The following STOX2 variants were observed in gnomAD, a reference collection of about 807,000 sequenced individuals.
STOX2 encodes storkhead box 2.
Under a neutral mutation model 60.9 loss-of-function variants are expected in STOX2, and 28 were observed. The ratio of observed to expected loss-of-function variants is 0.46; its 90% CI spans 0.34 to 0.63. STOX2 has a LOEUF of 0.63. Among genes scored for constraint, STOX2 ranks in the 30% least tolerant of loss-of-function variants. The pLI is 0.01. For synonymous variants in STOX2, 472 were observed against 463.9 expected (o/e 1.02, Z -0.22); for missense variants, 1,024 against 1,187.7 (o/e 0.86, Z 2.03).
At chr4:183,891,931 G>T in intron 1 of STOX2, among the ~76,000 whole-genome samples, 1 of 152,340 alleles carries the variant, frequency 6.6e-6, no homozygotes, top group East Asian at 1.9e-4. Flanking sequence ...TCTTTGAAGA[G>T]ATGGTTGCTT....
intron 2 of STOX2, among the ~76,000 whole-genome samples, chr4:184,007,071 A>G (rs1302572800): frequency 6.6e-6 from 1 of 151,848 alleles, no homozygotes; most frequent in East Asian, 1.9e-4. Flanking sequence ...TGGTCTTAAA[A>G]TCATTTGTAT....
At chr4:183,952,709 T>G (rs1460243841) in intron 1 of STOX2, among the ~76,000 whole-genome samples, 1 of 152,226 alleles carries the variant, frequency 6.6e-6, no homozygotes, top group Non-Finnish European at 1.5e-5. Context: ...GAGGTGCATG[T>G]CACATTAGTT....
chr4:183,972,582 G>A (rs148522135), intron 1 of STOX2, among the ~76,000 whole-genome samples: 1 of 152,286 alleles, frequency 6.6e-6, no homozygotes, highest in East Asian at 1.9e-4. Context: ...AAATAGCACT[G>A]CAAAAGCTTT....
At chr4:183,967,561 G>C (rs1739441155) in intron 1 of STOX2, among the ~76,000 whole-genome samples, 1 of 151,908 alleles carries the variant, frequency 6.6e-6, no homozygotes, top group African/African-American at 2.4e-5. Flanking sequence ...GCCACCCATG[G>C]GTGGTGCTCA....
At chr4:183,959,335 G>A (rs1447848731) in intron 1 of STOX2, among the ~76,000 whole-genome samples, 5 of 152,140 alleles carry the variant, frequency 3.3e-5, no homozygotes, top group Non-Finnish European at 7.4e-5. Context: ...GGGCGGAAGG[G>A]GGGGTTTTCA....
chr4:183,847,600 C>A (rs1045875315), intron 1 of STOX2, among the ~76,000 whole-genome samples: 1 of 152,192 alleles, frequency 6.6e-6, no homozygotes, highest in African/African-American at 2.4e-5. Flanking sequence ...GGAACCATCA[C>A]CAAGAAAGTG....
intron 1 of STOX2, among the ~76,000 whole-genome samples, chr4:183,819,782 A>G (rs1739264389): frequency 1.3e-5 from 2 of 152,312 alleles, no homozygotes; most frequent in East Asian, 1.9e-4. Context: ...CCACTAAATC[A>G]CAAGGAGGAG....
At chr4:183,901,829 A>T (rs553183752), upstream of STOX2, among the ~76,000 whole-genome samples, 1 of 152,152 alleles carries the variant, frequency 6.6e-6, no homozygotes, top group Non-Finnish European at 1.5e-5. Flanking sequence ...CATACTCTGG[A>T]TATCAATCCC....
At chr4:183,933,188 G>A (rs59778051) in intron 1 of STOX2, among the ~76,000 whole-genome samples, 20,707 of 152,064 alleles carry the variant, frequency 0.14, 2,484 homozygotes, top group East Asian at 0.45. Context: ...TCTGGCTCAC[G>A]TACAACATTT....
rs372708693 is a variant in STOX2, at chr4:184,011,253, C to A, written c.2415C>A (p.Leu805=). 6.8e-6 allele frequency: 11 copies of A among 1,613,398 alleles called. No individual in the cohort carries two copies. The African/African-American group carries it at 1.2e-4, about 18-fold the overall frequency. ...AGGACGTAGGCACCATGCAGTGGCT[C>A]CTCGAGCGGGAGAAGGAAAGAGACT... ...NREDVGTMQW[L]LEREKERDLQ... Residue 805 remains leucine, a synonymous_variant, in exon 3 of 4, where the codon CTC becomes CTA. Transcript: ENST00000308497. This position sits in a 1 kb window ranked among gnomAD's most constrained non-coding sequence, Gnocchi z 4.4.
intron 1 of STOX2, among the ~76,000 whole-genome samples, chr4:183,935,870 A>G (rs1168785182): frequency 6.6e-6 from 1 of 152,214 alleles, no homozygotes; most frequent in Non-Finnish European, 1.5e-5. Flanking sequence ...TGTAAGAGTG[A>G]TAACAAAGTG....
chr4:183,871,032 G>T (rs756513666), intron 1 of STOX2, among the ~76,000 whole-genome samples: 4 of 152,152 alleles, frequency 2.6e-5, no homozygotes, highest in Non-Finnish European at 4.4e-5. Context: ...AATTATTTAC[G>T]ACCTTTTTAT....
intron 1 of STOX2, among the ~76,000 whole-genome samples, chr4:183,833,433 A>C (rs1216794514): frequency 6.6e-6 from 1 of 152,170 alleles, no homozygotes; most frequent in African/African-American, 2.4e-5. Flanking sequence ...CCCACATAAA[A>C]GATCAAACAT....
intron 3 of STOX2, chr4:184,014,110 CAAAAAAAAAA>C (rs10527539): frequency 0.54 from 74,718 of 138,566 alleles, 21,195 homozygotes; most frequent in Non-Finnish European, 0.66. Context: ...AAGCCCCAAC[CAAAAAAAAAA>C]AAAAAAAAAA....
chr4:183,884,568 G>A (rs1243077920), intron 1 of STOX2, among the ~76,000 whole-genome samples: 1 of 152,118 alleles, frequency 6.6e-6, no homozygotes, highest in Admixed American at 6.5e-5. Context: ...GAGGAGACAG[G>A]TTTATCCTTT....
In STOX2 at chr4:183,982,033, G is replaced by A. The variant is rs535162831; in HGVS notation, c.167-19292G>A. Among the ~76,000 whole-genome samples the A allele has an allele frequency of 2.0e-5, 3 of 152,218 alleles. No individual in the cohort carries two copies. In the East Asian group the frequency reaches 5.8e-4, roughly 29 times the overall value. On this transcript the variant is annotated intron_variant, in intron 1 of 3. Coordinates refer to ENST00000308497, the MANE Select transcript of STOX2 (RefSeq NM_020225.3). Reference sequence around the variant, plus strand: ...TTTTACAAGGTGTTGTGGAGTAATGGAGGGACACCTGCACTGAGAATCAGG... The same window carrying A: ...TTTTACAAGGTGTTGTGGAGTAATGAAGGGACACCTGCACTGAGAATCAGG...
intron 1 of STOX2, among the ~76,000 whole-genome samples, chr4:183,987,035 A>AC (rs1446757484): frequency 6.6e-6 from 1 of 152,068 alleles, no homozygotes; most frequent in Non-Finnish European, 1.5e-5. Flanking sequence ...ATCGTCTGCC[A>AC]CCCACCTCTA....
At chr4:183,986,778 T>C (rs533802723) in intron 1 of STOX2, among the ~76,000 whole-genome samples, 2 of 152,256 alleles carry the variant, frequency 1.3e-5, no homozygotes, top group East Asian at 3.9e-4. Flanking sequence ...AGGGGGGCCT[T>C]TGCCAGAGCC....
At chr4:183,953,001 A>G (rs1039114062) in intron 1 of STOX2, among the ~76,000 whole-genome samples, 7 of 152,160 alleles carry the variant, frequency 4.6e-5, no homozygotes, top group African/African-American at 1.7e-4. Flanking sequence ...GAACACATGG[A>G]CACAGGGAGG....
Sources: allele counts gnomAD v4.1 joint callset (sites outside exome capture counted in the v4.1 genomes callset), GRCh38; gene constraint gnomAD v4.1.1; non-coding constraint Gnocchi (gnomAD v3.1); transcripts MANE v1.5; gene names NCBI Gene and HGNC (gene_info 2026-07-23, HGNC 2026-07-21).